STAM: variants seen among roughly 807,000 people sequenced by gnomAD.
STAM encodes signal transducing adaptor molecule, also known as signal transducing adapter molecule 1.
STAM carries 16 observed loss-of-function variants against 63.4 expected under a neutral mutation model. The ratio of observed to expected loss-of-function variants is 0.25; its 90% CI spans 0.17 to 0.38. The LOEUF is 0.38. Ranked by LOEUF, STAM falls within the 10% of genes least tolerant of loss-of-function variation. STAM has a pLI of 1.00. For synonymous variants in STAM, 238 were observed against 223.9 expected (o/e 1.06, Z -0.56); for missense variants, 636 against 657.1 (o/e 0.97, Z 0.35).
intron 8 of STAM, among the ~76,000 whole-genome samples, chr10:17,697,409 T>C (rs1835809054): frequency 6.6e-6 from 1 of 152,226 alleles, no homozygotes. Flanking sequence ...TTCTCTAGTG[T>C]GTAGTCCCAG....
At chr10:17,687,667 AG>A (rs1835351237) in intron 4 of STAM, among the ~76,000 whole-genome samples, 1 of 152,250 alleles carries the variant, frequency 6.6e-6, no homozygotes, top group South Asian at 2.1e-4. Flanking sequence ...TTTGGAATAA[AG>A]GAACTGTATC....
chr10:17,705,163 T>C (rs940130537), intron 11 of STAM, 139 bp downstream of exon 11: 6 of 694,692 alleles, frequency 8.6e-6, no homozygotes, highest in Non-Finnish European at 1.5e-5. Context: ...TTGTGCTAGA[T>C]GTGGAGAATT....
At chr10:17,678,000 A>C (rs1258868030) in intron 2 of STAM, among the ~76,000 whole-genome samples, 3 of 152,118 alleles carry the variant, frequency 2.0e-5, no homozygotes, top group Non-Finnish European at 4.4e-5. Context: ...CATACCATCA[A>C]ATTTACCATT....
intron 2 of STAM, among the ~76,000 whole-genome samples, chr10:17,669,519 C>T (rs1834537482): frequency 6.6e-6 from 1 of 151,950 alleles, no homozygotes; most frequent in South Asian, 2.1e-4. Flanking sequence ...ATTAAATCTT[C>T]CTATCCGAGA....
intron 5 of STAM, among the ~76,000 whole-genome samples, chr10:17,692,398 C>G (rs1835579912): frequency 6.6e-6 from 1 of 152,056 alleles, no homozygotes; most frequent in Admixed American, 6.5e-5. Context: ...AGCAAAGGAG[C>G]CATAGGGGGA....
In STAM at chr10:17,644,302, A is replaced by C; in HGVS notation, c.-38A>C. ...TCGAGCTCTGACTCCCGTGCTGTCGAGAGGGAGTCCCCGGGGACACCTCGG... is the reference window on the plus strand; with the variant it reads ...TCGAGCTCTGACTCCCGTGCTGTCGCGAGGGAGTCCCCGGGGACACCTCGG... On this transcript the variant is annotated 5_prime_UTR_variant, in exon 1 of 14. Transcript: ENST00000377524. 1 of 1,611,872 alleles carries C rather than the reference A, an allele frequency of 6.2e-7. No individual in the cohort carries two copies. Among genetic ancestry groups the C allele is most frequent in the East Asian group, 2.2e-5 (1 of 44,854 alleles).
At chr10:17,669,884 C>CTTTTTTTTTTTTTTTT (rs76381388) in intron 2 of STAM, among the ~76,000 whole-genome samples, 33 of 120,750 alleles carry the variant, frequency 2.7e-4, no homozygotes, top group East Asian at 4.8e-4. Context: ...CTTTTCTTTT[C>CTTTTTTTTTTTTTTTT]TTTTTTTTTT....
At chr10:17,644,454 A>G in intron 1 of STAM, 75 bp downstream of exon 1, 2 of 1,582,390 alleles carry the variant, frequency 1.3e-6, no homozygotes, top group African/African-American at 1.3e-5. Context: ...GCCTGCATTC[A>G]GGACCCTCGG....
chr10:17,682,730 G>A (rs1167406734), intron 2 of STAM, among the ~76,000 whole-genome samples: 2 of 152,108 alleles, frequency 1.3e-5, no homozygotes, highest in Non-Finnish European at 2.9e-5. Context: ...CCATGGGTGG[G>A]TGGATTGTTG....
chr10:17,684,459 C>G (rs1835213332), intron 2 of STAM, among the ~76,000 whole-genome samples: 2 of 151,798 alleles, frequency 1.3e-5, no homozygotes, highest in South Asian at 4.2e-4. Flanking sequence ...CCTGAAATGC[C>G]TCATCTACGA....
At chr10:17,648,697 A>G (rs1833619989) in intron 1 of STAM, among the ~76,000 whole-genome samples, 2 of 152,218 alleles carry the variant, frequency 1.3e-5, no homozygotes, top group Admixed American at 1.3e-4. Flanking sequence ...GTCAGTGGCA[A>G]GAGCCTTCTG....
At chr10:17,679,298 G>T (rs1834983983) in intron 2 of STAM, among the ~76,000 whole-genome samples, 1 of 152,102 alleles carries the variant, frequency 6.6e-6, no homozygotes, top group East Asian at 1.9e-4. Flanking sequence ...GTTTTGATTT[G>T]CATCTCCCTA....
At chr10:17,700,586 G>A (rs1435454394) in intron 9 of STAM, among the ~76,000 whole-genome samples, 2 of 117,158 alleles carry the variant, frequency 1.7e-5, no homozygotes, top group African/African-American at 2.8e-5. Flanking sequence ...GTAGTAGTGA[G>A]ATTTTTTTTT....
intron 4 of STAM, among the ~76,000 whole-genome samples, chr10:17,685,213 C>T (rs779277482): frequency 4.3e-4 from 65 of 152,150 alleles, no homozygotes; most frequent in Non-Finnish European, 7.9e-4. Flanking sequence ...TAAATAATAT[C>T]AGTCTATTTT....
chr10:17,681,603 AAT>A lies in STAM; in HGVS notation c.126-3067_126-3066del, dbSNP rs143704745. On this transcript the variant is annotated intron_variant, in intron 2 of 13. Coordinates refer to ENST00000377524, the MANE Select transcript of STAM (RefSeq NM_003473.4). ...ATAATGTATTGTGTTATTAGAGGAAAATATATGTCATTTTAATCTGATGATTT... is the reference window on the plus strand; with the variant it reads ...ATAATGTATTGTGTTATTAGAGGAAAATATGTCATTTTAATCTGATGATTT... Among the ~76,000 whole-genome samples, 868 of 152,290 alleles carry A rather than the reference AAT, an allele frequency of 5.7e-3. 9 individuals are homozygous for A. Among genetic ancestry groups the A allele is most frequent in the African/African-American group, 0.02 (822 of 41,538 alleles).
At chr10:17,693,337 G>A in intron 6 of STAM, 25 bp downstream of exon 6, 2 of 1,557,142 alleles carry the variant, frequency 1.3e-6, no homozygotes, top group Non-Finnish European at 1.8e-6. Context: ...CCCTGATGGT[G>A]GGAATAACAT....
In STAM at chr10:17,695,142, A is replaced by G; in HGVS notation, c.629A>G (p.His210Arg). 6.2e-7 allele frequency: 1 copy of G among 1,614,112 alleles called. No homozygotes were observed. The highest frequency in any genetic ancestry group is 2.2e-5 in the East Asian group (1 of 44,864). The change falls in exon 7 of 14, where the codon CAT becomes CGT. Residue 210 changes from histidine to arginine, a missense_variant. By Grantham distance (29) the His-to-Arg change is conservative. Around this residue, in one of 3 missense-constraint regions of STAM, gnomAD observed 532 missense variants for 536.9 expected, o/e 0.99. Transcript: ENST00000377524. ...STSSLLTNHQ[H>R]EGRKVRAIYD... ...TCCAGTCTCTTAACTAACCACCAACATGAAGGCCGAAAAGTTCGTGCTATA... is the reference window on the plus strand; with the variant it reads ...TCCAGTCTCTTAACTAACCACCAACGTGAAGGCCGAAAAGTTCGTGCTATA...
chr10:17,644,985 C>A (rs1440451383), intron 1 of STAM, among the ~76,000 whole-genome samples: 5 of 152,148 alleles, frequency 3.3e-5, no homozygotes, highest in Admixed American at 2.0e-4. Flanking sequence ...TAGGTCTCTG[C>A]ACTTTAAAAG....
intron 5 of STAM, among the ~76,000 whole-genome samples, chr10:17,692,000 T>C (rs1835557394): frequency 6.6e-6 from 1 of 152,232 alleles, no homozygotes; most frequent in African/African-American, 2.4e-5. Flanking sequence ...TACATACTTT[T>C]TGTTTTAAAC....
Sources: allele counts gnomAD v4.1 joint callset (sites outside exome capture counted in the v4.1 genomes callset), GRCh38; gene constraint gnomAD v4.1.1; regional missense constraint gnomAD v4.1.1; transcripts MANE v1.5; gene names NCBI Gene and HGNC (gene_info 2026-07-23, HGNC 2026-07-21).